Variants in ACSS2 observed in about 807,000 individuals in gnomAD.
ACSS2 encodes the protein acyl-CoA synthetase short chain family member 2, also known as acetyl-coenzyme A synthetase, cytoplasmic.
In ACSS2, 58 loss-of-function variants were observed where a neutral mutation model predicts 90.6. The observed-to-expected ratio is 0.64, with a 90% confidence interval of 0.52 to 0.80. The LOEUF is 0.80. Ranked by LOEUF, ACSS2 falls within the 30% of genes least tolerant of loss-of-function variation. ACSS2 has a pLI of 0.00. For missense variants in ACSS2, 759 were observed against 912.0 expected (o/e 0.83, Z 2.16); for synonymous variants, 300 against 330.9 (o/e 0.91, Z 1.01).
Position 34,913,471 on chromosome 20 carries a change from G to A in ACSS2, c.545G>A (p.Arg182His), listed in dbSNP as rs946609628. The change falls in exon 4 of 18, where the codon CGC becomes CAC. Residue 182 changes from arginine (R) to histidine (H), a missense_variant. Arg to His is a conservative substitution (Grantham distance 29). Coordinates refer to ENST00000360596, the MANE Select transcript of ACSS2 (RefSeq NM_018677.4). ...GTGGTGGCCATGCTGGCATGTGCCC[G>A]CATTGGGGCTTTGCACTCCATTGTG... ...ELVVAMLACARIGALHSIVFA... is the reference protein window; with the variant it reads ...ELVVAMLACAHIGALHSIVFA... The A allele has an allele frequency of 4.3e-6, 7 of 1,613,684 alleles. No individual in the cohort carries two copies. In the African/African-American group the frequency reaches 5.3e-5, roughly 12 times the overall value.
chr20:34,900,432 C>T (rs1401322070), intron 2 of ACSS2, among the ~76,000 whole-genome samples: 1 of 152,048 alleles, frequency 6.6e-6, no homozygotes, highest in East Asian at 1.9e-4. Flanking sequence ...ACCTTGGCCT[C>T]CCAAAATGTT....
At chr20:34,891,534 G>T (rs1054785687) in intron 2 of ACSS2, among the ~76,000 whole-genome samples, 2 of 152,126 alleles carry the variant, frequency 1.3e-5, no homozygotes, top group East Asian at 3.8e-4. Context: ...CATAAAGCAA[G>T]AATTTTAGAA....
rs1324465329 is a variant in ACSS2 at position 34,923,335 on chromosome 20, C to T, written c.1561C>T (p.Pro521Ser). The change falls in exon 14 of 18, where the codon CCC (proline) becomes TCC (serine). Residue 521 changes from proline (P) to serine (S), a missense_variant. Transcript: ENST00000360596. ...EAEGYLVFKQ[P>S]WPGIMRTVYG... ...CCTCACTCCCCAGGTGTTCAAGCAG[C>T]CCTGGCCAGGGATCATGCGCACAGT... is the stretch of plus-strand genomic sequence containing the variant. The T allele has an allele frequency of 1.2e-6, 2 of 1,613,820 alleles. No individual in the cohort carries two copies. The highest frequency in any genetic ancestry group is 1.7e-6 in the Non-Finnish European group (2 of 1,179,842).
At chr20:34,880,450 G>A (rs910903853) in intron 1 of ACSS2, among the ~76,000 whole-genome samples, 7 of 151,432 alleles carry the variant, frequency 4.6e-5, no homozygotes, top group African/African-American at 1.7e-4. Flanking sequence ...CAGCTGAGAT[G>A]GGGGGATCAC....
intron 2 of ACSS2, among the ~76,000 whole-genome samples, chr20:34,888,940 A>G (rs2080265059): frequency 6.6e-6 from 1 of 152,030 alleles, no homozygotes; most frequent in African/African-American, 2.4e-5. Context: ...AGATCATGTC[A>G]CATCTTGAAA....
intron 7 of ACSS2, among the ~76,000 whole-genome samples, chr20:34,918,685 A>G (rs1426259596): frequency 6.6e-6 from 1 of 152,242 alleles, no homozygotes; most frequent in Admixed American, 6.5e-5. Flanking sequence ...GGGTCTGGAC[A>G]TGTAGGCAAA....
At chr20:34,885,151 G>T (rs2080159877) in intron 2 of ACSS2, among the ~76,000 whole-genome samples, 2 of 151,528 alleles carry the variant, frequency 1.3e-5, no homozygotes, top group South Asian at 4.2e-4. Context: ...AGTGAGCACA[G>T]ATCACACCAC....
In ACSS2 at chr20:34,927,306, C is replaced by G. The variant is rs1221147880; in HGVS notation, c.*92C>G. 1 of 1,519,822 alleles carries G rather than the reference C, an allele frequency of 6.6e-7. No homozygotes were observed. The highest frequency in any genetic ancestry group is 9.0e-7 in the Non-Finnish European group (1 of 1,112,946). 94.1% of individuals were successfully genotyped at this position (1,519,822 alleles called of 1,614,324 possible). On this transcript the variant is annotated 3_prime_UTR_variant, in exon 18 of 18. Transcript: ENST00000360596. The surrounding 1 kb of genome is among the most constrained non-coding windows in gnomAD (Gnocchi z 4.2). ...AGGAGTGCTGAGGGCCAGTGTTGAC[C>G]CACACTACCCTCCCTTGACCAGCTG...
intron 7 of ACSS2, chr20:34,915,284 C>T (rs2081054192): frequency 1.2e-6 from 2 of 1,613,652 alleles, no homozygotes; most frequent in Admixed American, 1.7e-5. Flanking sequence ...GCCGTGGGCA[C>T]CGCTTCTCTG....
chr20:34,885,762 C>G (rs1349768044), intron 2 of ACSS2, among the ~76,000 whole-genome samples: 1 of 152,192 alleles, frequency 6.6e-6, no homozygotes, highest in Admixed American at 6.5e-5. Flanking sequence ...CCATGGAACA[C>G]CCACTGGGGA....
chr20:34,905,163 C>T (rs2080767075), intron 2 of ACSS2, among the ~76,000 whole-genome samples: 1 of 152,134 alleles, frequency 6.6e-6, no homozygotes, highest in African/African-American at 2.4e-5. Flanking sequence ...AACAGTCCTC[C>T]TGCTTTGCCC....
rs543897728 is a variant in ACSS2 at position 34,927,498 on chromosome 20, T to A, written c.*284T>A. ...GGCTACCTCTCCTACCCAAGTTAAGTGTTCAAAGGGGATGTGAGGGCCTCC... is the reference window on the plus strand; with the variant it reads ...GGCTACCTCTCCTACCCAAGTTAAGAGTTCAAAGGGGATGTGAGGGCCTCC... On this transcript the variant is annotated 3_prime_UTR_variant, in exon 18 of 18. Coordinates refer to ENST00000360596, the MANE Select transcript of ACSS2 (RefSeq NM_018677.4). The surrounding 1 kb of genome is among the most constrained non-coding windows in gnomAD (Gnocchi z 4.2). 2 of 454,024 alleles carry A rather than the reference T, an allele frequency of 4.4e-6. No homozygotes were observed. The highest frequency in any genetic ancestry group is 4.0e-6 in the Non-Finnish European group (1 of 249,198). 28.1% of individuals were successfully genotyped at this position (454,024 alleles called of 1,614,324 possible).
intron 1 of ACSS2, among the ~76,000 whole-genome samples, chr20:34,879,496 G>GACACAC (rs11467604): frequency 0.17 from 24,444 of 147,544 alleles, 2,428 homozygotes; most frequent in East Asian, 0.37. Context: ...TCCAGATTCT[G>GACACAC]ACACACACAC....
At chr20:34,899,131 C>G (rs1220289578) in intron 2 of ACSS2, among the ~76,000 whole-genome samples, 12 of 152,192 alleles carry the variant, frequency 7.9e-5, no homozygotes, top group Non-Finnish European at 1.8e-4. Flanking sequence ...CCACTCGGAA[C>G]TCCAGCTGGC....
intron 12 of ACSS2, 61 bp downstream of exon 12, chr20:34,921,661 G>A (rs2081202638): frequency 1.2e-6 from 2 of 1,613,120 alleles, no homozygotes; most frequent in East Asian, 2.2e-5. Context: ...GGGGCACTTG[G>A]CCTAGTTAGA....
At chr20:34,901,800 G>C (rs973559020) in intron 2 of ACSS2, among the ~76,000 whole-genome samples, 2 of 152,098 alleles carry the variant, frequency 1.3e-5, no homozygotes, top group African/African-American at 4.8e-5. Flanking sequence ...TAGGTGTCAG[G>C]GTTACCCTGG....
At chr20:34,913,554 G>T in intron 4 of ACSS2, 58 bp downstream of exon 4, 2 of 1,533,378 alleles carry the variant, frequency 1.3e-6, no homozygotes, top group South Asian at 1.2e-5. Flanking sequence ...TGGAGAAGTA[G>T]GTTGGGCCTA....
At chr20:34,921,974 T>C (rs541682199) in intron 13 of ACSS2, 108 bp downstream of exon 13, 7 of 1,501,958 alleles carry the variant, frequency 4.7e-6, no homozygotes, top group Admixed American at 4.7e-5. Flanking sequence ...TGCTTAGGAC[T>C]GAAACTTCAT....
intron 2 of ACSS2, among the ~76,000 whole-genome samples, chr20:34,911,859 C>T (rs1455965403): frequency 2.0e-5 from 3 of 151,820 alleles, no homozygotes; most frequent in Non-Finnish European, 4.4e-5. Flanking sequence ...CTTACTCTGT[C>T]GCCCAGGCTG....
Sources: allele counts gnomAD v4.1 joint callset (sites outside exome capture counted in the v4.1 genomes callset), GRCh38; gene constraint gnomAD v4.1.1; non-coding constraint Gnocchi (gnomAD v3.1); transcripts MANE v1.5; gene names NCBI Gene and HGNC (gene_info 2026-07-23, HGNC 2026-07-21).